The following SCFD1 variants were observed in gnomAD, a reference collection of about 807,000 sequenced individuals.
SCFD1 encodes sec1 family domain-containing protein 1.
A neutral mutation model predicts 103.2 loss-of-function variants in SCFD1; 37 were observed. The ratio of observed to expected loss-of-function variants is 0.36; its 90% confidence interval spans 0.28 to 0.47. The LOEUF (loss-of-function observed/expected upper bound fraction) is 0.47. Ranked by LOEUF, SCFD1 falls within the 20% of genes least tolerant of loss-of-function variation. The pLI, the probability that SCFD1 is intolerant of heterozygous loss-of-function variation, is 1.00. For synonymous variants in SCFD1, 264 were observed against 245.0 expected, an observed-to-expected ratio of 1.08 and a Z score of -0.73; for missense variants, 639 against 761.2, an observed-to-expected ratio of 0.84 and a Z score of 1.89.
Position 30,634,329 on chromosome 14 carries a change from A to G in SCFD1, c.312+292A>G, listed in dbSNP as rs35349033. Among the ~76,000 whole-genome samples the G allele has an allele frequency of 0.36, 54,181 of 152,042 alleles. 11,099 individuals carry two copies. Among genetic ancestry groups the G allele is most frequent in the Non-Finnish European group, 0.46 (31,411 of 67,928 alleles). ...CAGTATTTTGAGAGACCACATTCAT[A>G]TAACTTTCATTACAGAATATATTTT... On this transcript the variant is annotated intron_variant, in intron 4 of 24. Coordinates refer to ENST00000458591, the MANE Select transcript of SCFD1 (RefSeq NM_016106.4).
intron 21 of SCFD1, chr14:30,721,625 T>C (rs1892657541): frequency 4.9e-6 from 2 of 404,932 alleles, no homozygotes; most frequent in Non-Finnish European, 8.8e-6. Flanking sequence ...CTCAGTCATC[T>C]AGAATTTTAT....
chr14:30,663,558 A>G (rs549274793), intron 10 of SCFD1, among the ~76,000 whole-genome samples: 3 of 152,280 alleles, frequency 2.0e-5, no homozygotes, highest in South Asian at 2.1e-4. Flanking sequence ...TATAGGAAAA[A>G]CAGTAATAGA....
chr14:30,667,065 A>G (rs1888046463), intron 10 of SCFD1, among the ~76,000 whole-genome samples: 1 of 152,236 alleles, frequency 6.6e-6, no homozygotes, highest in African/African-American at 2.4e-5. Context: ...TGAGGCCAGC[A>G]TCATCCTGAT....
intron 1 of SCFD1, among the ~76,000 whole-genome samples, chr14:30,624,388 T>C (rs1442516403): frequency 1.3e-5 from 2 of 152,214 alleles, no homozygotes; most frequent in Non-Finnish European, 2.9e-5. Flanking sequence ...TTTATATCCC[T>C]AGTCTGGCCG....
intron 15 of SCFD1, among the ~76,000 whole-genome samples, chr14:30,697,070 G>C (rs574138972): frequency 3.3e-5 from 5 of 152,086 alleles, no homozygotes; most frequent in East Asian, 1.9e-4. Flanking sequence ...TGTATGTTGG[G>C]GGGGGCGGTG....
intron 20 of SCFD1, among the ~76,000 whole-genome samples, chr14:30,716,604 A>G (rs1251326181): frequency 6.6e-6 from 1 of 152,226 alleles, no homozygotes; most frequent in Non-Finnish European, 1.5e-5. Context: ...GGTTATTACC[A>G]CAAGAATCTG....
intron 10 of SCFD1, among the ~76,000 whole-genome samples, chr14:30,665,282 C>T (rs1379287102): frequency 6.6e-6 from 1 of 152,196 alleles, no homozygotes; most frequent in Non-Finnish European, 1.5e-5. Flanking sequence ...ATTTCATATA[C>T]AGCCAAACTA....
intron 23 of SCFD1, among the ~76,000 whole-genome samples, chr14:30,728,792 G>T (rs1017310791): frequency 6.6e-6 from 1 of 150,988 alleles, no homozygotes; most frequent in African/African-American, 2.4e-5. Flanking sequence ...ATGTGTATTG[G>T]CCATTTGTAT....
intron 16 of SCFD1, among the ~76,000 whole-genome samples, chr14:30,701,566 A>G (rs1194861874): frequency 6.6e-6 from 1 of 152,082 alleles, no homozygotes; most frequent in Non-Finnish European, 1.5e-5. Context: ...AAAAAAAAGT[A>G]TCTCTCTCAT....
At chr14:30,625,116 G>T (rs1883250704) in intron 1 of SCFD1, among the ~76,000 whole-genome samples, 1 of 151,646 alleles carries the variant, frequency 6.6e-6, no homozygotes, top group Non-Finnish European at 1.5e-5. Flanking sequence ...CCCCCAATTA[G>T]AATGAAAGCT....
chr14:30,649,420 GA>G, intron 7 of SCFD1, 107 bp from the exon 8 acceptor site: 1 of 713,790 alleles, frequency 1.4e-6, no homozygotes, highest in Non-Finnish European at 2.3e-6. Context: ...TGTGTAACGT[GA>G]AATTGTATGT....
intron 4 of SCFD1, among the ~76,000 whole-genome samples, chr14:30,635,550 T>C (rs1884634498): frequency 6.6e-6 from 1 of 152,194 alleles, no homozygotes; most frequent in African/African-American, 2.4e-5. Flanking sequence ...CTTAGCATAA[T>C]GTTTCCAAGG....
intron 21 of SCFD1, among the ~76,000 whole-genome samples, chr14:30,719,592 A>T (rs528147743): frequency 1.3e-5 from 2 of 152,300 alleles, no homozygotes; most frequent in Non-Finnish European, 2.9e-5. Context: ...ACACAAATCC[A>T]TTTAGACGTT....
At chr14:30,642,018 T>C (rs183146439) in intron 6 of SCFD1, among the ~76,000 whole-genome samples, 84 of 152,276 alleles carry the variant, frequency 5.5e-4, no homozygotes, top group Non-Finnish European at 8.8e-4. Context: ...TACTCAACAA[T>C]GTTTCTTAAA....
At chr14:30,689,835 T>G (rs1890105088) in intron 14 of SCFD1, among the ~76,000 whole-genome samples, 1 of 140,168 alleles carries the variant, frequency 7.1e-6, no homozygotes, top group South Asian at 2.4e-4. Flanking sequence ...TCCATCCAGC[T>G]TTGTTCTGTT....
rs1012433758 is a variant in SCFD1, at chr14:30,702,297, C to T, written c.1412C>T (p.Ala471Val). Residue 471 changes from alanine (A) to valine (V), a missense_variant and splice_region_variant, in exon 17 of 25, where the codon GCT (alanine) becomes GTT (valine). Coordinates refer to ENST00000458591, the MANE Select transcript of SCFD1 (RefSeq NM_016106.4). ...CATATAGTTCTTTTCTTATTTCAGGCTGATTTGGAGCAATATAAAAAAGCT... is the reference window on the plus strand; with the variant it reads ...CATATAGTTCTTTTCTTATTTCAGGTTGATTTGGAGCAATATAAAAAAGCT... Reference protein sequence around the residue: ...YISTQQAPSEADLEQYKKALT... With the variant: ...YISTQQAPSEVDLEQYKKALT... 4 of 1,584,024 alleles carry T rather than the reference C, an allele frequency of 2.5e-6. No homozygotes were observed. The African/African-American group carries it at 4.1e-5, about 16-fold the overall frequency.
chr14:30,662,571 C>G (rs985340646), intron 10 of SCFD1, among the ~76,000 whole-genome samples: 2 of 152,146 alleles, frequency 1.3e-5, no homozygotes, highest in Non-Finnish European at 2.9e-5. Context: ...TATGAAAATT[C>G]TGGCATTGTG....
chr14:30,679,581 A>G (rs569559720), intron 14 of SCFD1, among the ~76,000 whole-genome samples: 1 of 152,318 alleles, frequency 6.6e-6, no homozygotes, highest in South Asian at 2.1e-4. Flanking sequence ...CTGTACTCAA[A>G]GAAGAAGTCT....
At chr14:30,657,364 A>G (rs1315164933) in intron 10 of SCFD1, among the ~76,000 whole-genome samples, 1 of 152,210 alleles carries the variant, frequency 6.6e-6, no homozygotes. Context: ...AACAAGGATA[A>G]TACTGGTCCT....
Sources: gnomAD v4.1 joint callset for allele counts (sites outside exome capture counted in the v4.1 genomes callset) on GRCh38, gnomAD v4.1.1 for gene constraint, MANE v1.5 for transcripts, NCBI Gene and HGNC (gene_info 2026-07-23, HGNC 2026-07-21) for gene names.